The following TFIP11 variants were observed in gnomAD, a reference collection of about 807,000 sequenced individuals.
TFIP11 encodes tuftelin-interacting protein 11.
In TFIP11, 86 loss-of-function variants were observed where a neutral mutation model predicts 96.8. The ratio of observed to expected loss-of-function variants is 0.89; its 90% CI spans 0.75 to 1.06. TFIP11 has a LOEUF of 1.06. Among genes scored for constraint, TFIP11 ranks in the 50% least tolerant of loss-of-function variants. The pLI is 0.00. For missense variants in TFIP11, 881 were observed against 1,076.7 expected (o/e 0.82, Z 2.54); for synonymous variants, 405 against 395.2 (o/e 1.02, Z -0.29).
At chr22:26,502,691 T>C (rs1201716693) in intron 7 of TFIP11, among the ~76,000 whole-genome samples, 1 of 152,196 alleles carries the variant, frequency 6.6e-6, no homozygotes, top group Non-Finnish European at 1.5e-5. Context: ...AGACTTGTCA[T>C]TTTTTCTCTA....
intron 12 of TFIP11, 98 bp from the exon 13 acceptor site, chr22:26,495,037 C>G (rs915028445): frequency 2.6e-6 from 4 of 1,520,154 alleles, no homozygotes; most frequent in Non-Finnish European, 3.6e-6. Context: ...TCTCAGCTTA[C>G]AGCAACCTCC....
At chr22:26,508,806 CTG>C (rs1923717480) in intron 4 of TFIP11, among the ~76,000 whole-genome samples, 7 of 150,286 alleles carry the variant, frequency 4.7e-5, no homozygotes, top group African/African-American at 1.7e-4. Context: ...GATTGCACCA[CTG>C]TACTCCAGCC....
Position 26,491,922 on chromosome 22 carries a change from T to C in TFIP11, c.*91A>G. On this transcript the variant is annotated 3_prime_UTR_variant, in exon 15 of 15. Transcript: ENST00000407690. ...TGGAGTAGCTCCTGAGTAAAGAAGT[T>C]ACCCTTTTGAAGGTGATCTAAAAAT... 7.7e-7 allele frequency: 1 copy of C among 1,299,458 alleles called. No individual in the cohort carries two copies. The highest frequency in any genetic ancestry group is 1.1e-6 in the Non-Finnish European group (1 of 943,746). The allele number at this position is 1,299,458 out of a possible 1,614,324, so 80.5% of individuals were successfully genotyped here.
chr22:26,497,435 G>A (rs761383476), intron 10 of TFIP11, among the ~76,000 whole-genome samples: 2 of 152,170 alleles, frequency 1.3e-5, no homozygotes, highest in African/African-American at 2.4e-5. Context: ...AGCATGATAC[G>A]CAACAGACAT....
intron 2 of TFIP11, 130 bp downstream of exon 2, chr22:26,511,969 T>C (rs1330798194): frequency 6.6e-6 from 1 of 152,222 alleles, no homozygotes; most frequent in Non-Finnish European, 1.5e-5. Flanking sequence ...TATCAGTAGA[T>C]GCTAGGTACA....
Position 26,492,380 on chromosome 22 carries a change from G to C in TFIP11, c.2159-12C>G, listed in dbSNP as rs746394406. 6.2e-7 allele frequency: 1 copy of C among 1,613,260 alleles called. No homozygotes were observed. The highest frequency in any genetic ancestry group is 8.5e-7 in the Non-Finnish European group (1 of 1,179,280). On this transcript the variant is annotated splice_polypyrimidine_tract_variant and intron_variant, in intron 14 of 14. Coordinates refer to ENST00000407690, the MANE Select transcript of TFIP11 (RefSeq NM_012143.4). ...CTGCATGTAGGCACCTAAGATACAG[G>C]AGGACAGGGCGGTGAGGAGAGGTGT...
rs397958538 is a variant in TFIP11, at chr22:26,500,878, C to CTTTT, written c.801+1018_801+1021dup. ...GACTACTTGGAAAAGTAACGGAAAA[C>CTTTT]TTTTTTTTTTTTTTTTTTTTTTTGA... On this transcript the variant is annotated intron_variant, in intron 8 of 14. Transcript: ENST00000407690. Among the ~76,000 whole-genome samples, 111 of 102,046 alleles carry CTTTT rather than the reference C, an allele frequency of 1.1e-3. 1 individual carries two copies. Among genetic ancestry groups the CTTTT allele is most frequent in the Middle Eastern group, 5.9e-3 (1 of 170 alleles). 66.9% of individuals were successfully genotyped at this position (102,046 alleles called of 152,430 possible). A position where few individuals can be genotyped will look rare whatever the true frequency, so the allele number is the denominator to read the frequency against.
intron 6 of TFIP11, 80 bp from the exon 7 acceptor site, chr22:26,503,873 GAC>G (rs1232515732): frequency 4.5e-6 from 7 of 1,561,558 alleles, no homozygotes; most frequent in Non-Finnish European, 6.1e-6. Flanking sequence ...TCAGTGAAAT[GAC>G]AGTTTCTTGC....
intron 6 of TFIP11, among the ~76,000 whole-genome samples, chr22:26,505,307 A>G (rs945896802): frequency 2.6e-5 from 4 of 152,082 alleles, no homozygotes; most frequent in Non-Finnish European, 5.9e-5. Context: ...ACAGGAGGAG[A>G]CTGGGCTACT....
intron 13 of TFIP11, 35 bp downstream of exon 13, chr22:26,494,762 C>A: frequency 3.1e-6 from 5 of 1,613,362 alleles, no homozygotes; most frequent in Non-Finnish European, 4.2e-6. Context: ...CCACCCAGTT[C>A]CCTCCCCCAG....
intron 4 of TFIP11, among the ~76,000 whole-genome samples, chr22:26,508,784 G>A (rs950378832): frequency 2.6e-5 from 4 of 151,592 alleles, no homozygotes; most frequent in Non-Finnish European, 5.9e-5. Context: ...GGCAGAGGTT[G>A]CAGTGAGCCA....
chr22:26,499,118 A>G lies in TFIP11; in HGVS notation c.1315T>C (p.Trp439Arg). The change falls in exon 9 of 15, where the codon TGG (tryptophan) becomes CGG (arginine). Residue 439 changes from tryptophan (W) to arginine (R), a missense_variant. Trp to Arg is a moderately radical substitution (Grantham distance 101). Transcript: ENST00000407690. ...CAGCAACTCACTTTGAGGGGATCCC[A>G]CTCCTTGAAGTACTCCTTCATGAGT... ...YPLMKEYFKE[W>R]DPLKDCTYGT... 1 of 1,588,376 alleles carries G rather than the reference A, an allele frequency of 6.3e-7. No homozygotes were observed. Among genetic ancestry groups the G allele is most frequent in the Non-Finnish European group, 8.6e-7 (1 of 1,163,844 alleles).
At chr22:26,507,568 T>C (rs754007649) in intron 4 of TFIP11, among the ~76,000 whole-genome samples, 24 of 149,964 alleles carry the variant, frequency 1.6e-4, no homozygotes, top group Non-Finnish European at 3.1e-4. Context: ...AAGTTGAAGC[T>C]GCGGTGAACT....
At position 26,499,452 on chromosome 22, in the gene TFIP11, G is replaced by A. The variant is rs377039376; in HGVS notation, c.981C>T (p.Leu327=). 9.3e-6 allele frequency: 15 copies of A among 1,614,176 alleles called. No homozygotes were observed. The highest frequency in any genetic ancestry group is 1.7e-5 in the Admixed American group (1 of 60,032). ...TGATCTCCTGCTCCGTGAGGTCGAT[G>A]AGCAGCTGCAGGTTGTGCTCCAGCT... The part of the protein sequence containing the change: ...LPELEHNLQL[L]IDLTEQEIIQ... The change falls in exon 9 of 15, where the codon CTC becomes CTT. Residue 327 remains leucine, a synonymous_variant. Coordinates refer to ENST00000407690, the MANE Select transcript of TFIP11 (RefSeq NM_012143.4).
At position 26,499,320 on chromosome 22, in the gene TFIP11, C is replaced by G. The variant is rs770873211; in HGVS notation, c.1113G>C (p.Ser371=). The part of the protein sequence containing the change: ...EVLDHEERVI[S]NLSKVLEMVE... ...CCATCTCCAGGACCTTGCTGAGGTT[C>G]GAGATGACCCGCTCCTCGTGGTCCA... The change falls in exon 9 of 15, where the codon TCG becomes TCC. Residue 371 remains serine (S), a synonymous_variant. Transcript: ENST00000407690. The G allele has an allele frequency of 6.2e-7, 1 of 1,614,082 alleles. No homozygotes were observed. The highest frequency in any genetic ancestry group is 1.1e-5 in the South Asian group (1 of 91,064).
chr22:26,511,121 G>T, intron 2 of TFIP11: 1 of 152,340 alleles, frequency 6.6e-6, no homozygotes, highest in South Asian at 2.1e-4. Flanking sequence ...TAACTCACAC[G>T]ATCAAAAGGT....
rs182723168 is a variant in TFIP11 at position 26,499,421 on chromosome 22, T to C, written c.1012A>G (p.Asn338Asp). The C allele has an allele frequency of 6.2e-7, 1 of 1,614,110 alleles. No homozygotes were observed. Residue 338 changes from asparagine to aspartate, a missense_variant, in exon 9 of 15, where the codon AAT (asparagine) becomes GAT (aspartate). Asn to Asp is a conservative substitution (Grantham distance 23). Transcript: ENST00000407690. ...IDLTEQEIIQNDRQLQYERDM... is the reference protein window; with the variant it reads ...IDLTEQEIIQDDRQLQYERDM... ...CGCTCATACTGTAGCTGCCGGTCAT[T>C]CTGGATGATCTCCTGCTCCGTGAGG... is the stretch of plus-strand genomic sequence containing the variant.
chr22:26,511,883 A>C (rs1170118154), intron 2 of TFIP11: 1 of 152,226 alleles, frequency 6.6e-6, no homozygotes. Context: ...AAATACATAA[A>C]GTTAAATAAT....
intron 8 of TFIP11, among the ~76,000 whole-genome samples, chr22:26,500,337 T>G (rs769042200): frequency 6.6e-6 from 1 of 152,046 alleles, no homozygotes; most frequent in African/African-American, 2.4e-5. Context: ...ACTTGGCTAA[T>G]TTTTTGTATT....
Sources: allele counts gnomAD v4.1 joint callset (sites outside exome capture counted in the v4.1 genomes callset), GRCh38; gene constraint gnomAD v4.1.1; transcripts MANE v1.5; gene names NCBI Gene and HGNC (gene_info 2026-07-23, HGNC 2026-07-21).